Variants in RFC1 observed in about 807,000 individuals in gnomAD.
The protein encoded by RFC1 is replication factor C subunit 1, also known as A1 140 kDa subunit.
RFC1 carries 37 observed loss-of-function variants against 137.4 expected under a neutral mutation model. The observed-to-expected ratio is 0.27, with a 90% confidence interval of 0.21 to 0.35. The LOEUF (loss-of-function observed/expected upper bound fraction) is 0.35. Ranked by LOEUF, RFC1 falls within the 10% of genes least tolerant of loss-of-function variation. The probability of loss-of-function intolerance (pLI) is 1.00; values close to 1 mark genes in which losing one functional copy is unlikely to be tolerated. For missense variants in RFC1, 1,205 were observed against 1,358.5 expected (o/e 0.89, Z 1.78); for synonymous variants, 429 against 455.7 (o/e 0.94, Z 0.75).
intron 7 of RFC1, among the ~76,000 whole-genome samples, chr4:39,322,842 G>C (rs1460619205): frequency 6.6e-6 from 1 of 151,272 alleles, no homozygotes; most frequent in Non-Finnish European, 1.5e-5. Flanking sequence ...CTAGCACTTT[G>C]AGAGGCTGAG....
chr4:39,304,879 T>A lies in RFC1; in HGVS notation c.2045A>T (p.Lys682Met), dbSNP rs138470471. The A allele has an allele frequency of 3.5e-5, 56 of 1,613,624 alleles. No homozygotes were observed. The highest frequency in any genetic ancestry group is 4.5e-5 in the Non-Finnish European group (53 of 1,179,656). The change falls in exon 15 of 25, where the codon AAG becomes ATG. Residue 682 changes from lysine to methionine, a missense_variant. By Grantham distance (95) the Lys-to-Met change is moderately conservative (BLOSUM62 -1). Coordinates refer to ENST00000349703, the MANE Select transcript of RFC1 (RefSeq NM_002913.5). The stretch of plus-strand genomic sequence containing the variant: ...AGCAACAATCGCCTTCAAACTGCTC[T>A]TACTCCGGGTGTCACTTGCATTCAG... ...VELNASDTRS[K>M]SSLKAIVAES... is the part of the protein sequence containing the mutation.
chr4:39,299,595 AC>A (rs1738232936), intron 21 of RFC1, among the ~76,000 whole-genome samples: 1 of 147,394 alleles, frequency 6.8e-6, no homozygotes, highest in South Asian at 2.2e-4. Context: ...CCTGGGCAAC[AC>A]AGCAACACTG....
At chr4:39,298,420 G>A (rs192168189) in intron 21 of RFC1, among the ~76,000 whole-genome samples, 184 of 151,954 alleles carry the variant, frequency 1.2e-3, no homozygotes, top group Admixed American at 5.9e-3. Context: ...TTCTGGAAGC[G>A]TCTTACTTAT....
chr4:39,333,139 G>C (rs572927590), intron 4 of RFC1, among the ~76,000 whole-genome samples: 1 of 152,270 alleles, frequency 6.6e-6, no homozygotes, highest in South Asian at 2.1e-4. Context: ...GTTTCACTGC[G>C]ATCTTCTGTA....
chr4:39,333,584 T>C (rs1740211372), intron 4 of RFC1, among the ~76,000 whole-genome samples: 1 of 151,034 alleles, frequency 6.6e-6, no homozygotes, highest in South Asian at 2.1e-4. Flanking sequence ...AAAAACCTCA[T>C]GAAAATAGCA....
chr4:39,295,797 C>T (rs771539206), intron 21 of RFC1, 38 bp from the exon 22 acceptor site: 9 of 1,585,516 alleles, frequency 5.7e-6, no homozygotes, highest in Non-Finnish European at 7.7e-6. Context: ...ATTTATGTTC[C>T]GTACAAAGTT....
At chr4:39,312,643 C>T in intron 11 of RFC1, 109 bp downstream of exon 11, 1 of 998,866 alleles carries the variant, frequency 1.0e-6, no homozygotes, top group Non-Finnish European at 1.4e-6. Context: ...CAAGAAATTA[C>T]TTTTCTATTT....
chr4:39,340,960 A>C (rs1740578762), intron 4 of RFC1, among the ~76,000 whole-genome samples: 1 of 152,236 alleles, frequency 6.6e-6, no homozygotes, highest in Non-Finnish European at 1.5e-5. Context: ...CCTAACGTTC[A>C]TAAAAAGTCC....
intron 4 of RFC1, among the ~76,000 whole-genome samples, chr4:39,329,792 C>T (rs1740002262): frequency 6.6e-6 from 1 of 151,826 alleles, no homozygotes; most frequent in African/African-American, 2.4e-5. Flanking sequence ...CCCAGCACTC[C>T]GGGAGGCCGA....
chr4:39,351,882 G>C (rs1284002313), intron 1 of RFC1, among the ~76,000 whole-genome samples: 1 of 149,168 alleles, frequency 6.7e-6, no homozygotes, highest in Non-Finnish European at 1.5e-5. Context: ...AGAATTGCTT[G>C]AACCCAGGAG....
chr4:39,345,549 C>T, intron 2 of RFC1, 73 bp from the exon 3 acceptor site: 4 of 1,212,334 alleles, frequency 3.3e-6, no homozygotes, highest in Non-Finnish European at 4.6e-6. Context: ...GAGACGGAGT[C>T]TCACTCTGTC....
At chr4:39,298,231 C>T (rs950120690) in intron 21 of RFC1, among the ~76,000 whole-genome samples, 11 of 145,410 alleles carry the variant, frequency 7.6e-5, no homozygotes, top group African/African-American at 2.7e-4. Flanking sequence ...TCACTTGAGC[C>T]CAGGAGGGCA....
At chr4:39,328,230 TA>T (rs1283158967) in intron 4 of RFC1, among the ~76,000 whole-genome samples, 6 of 152,278 alleles carry the variant, frequency 3.9e-5, no homozygotes, top group African/African-American at 1.2e-4. Flanking sequence ...GCCAGGCCTG[TA>T]ATACGCTATA....
intron 1 of RFC1, among the ~76,000 whole-genome samples, chr4:39,354,909 C>G (rs1741386485): frequency 2.6e-5 from 4 of 151,640 alleles, no homozygotes; most frequent in Admixed American, 2.6e-4. Flanking sequence ...CAGCAAAACC[C>G]CATCTCCACT....
chr4:39,323,492 C>T, intron 6 of RFC1, 75 bp from the exon 7 acceptor site: 2 of 1,231,304 alleles, frequency 1.6e-6, no homozygotes, highest in Non-Finnish European at 2.4e-6. Flanking sequence ...ATGTCTGATT[C>T]ATATATTTAG....
chr4:39,344,251 C>T (rs925377397), intron 3 of RFC1, among the ~76,000 whole-genome samples: 2 of 152,096 alleles, frequency 1.3e-5, no homozygotes, highest in African/African-American at 4.8e-5. Flanking sequence ...TCATAAAAGG[C>T]ATGCAAAAAA....
intron 1 of RFC1, among the ~76,000 whole-genome samples, chr4:39,361,715 CTG>C (rs1307988879): frequency 1.3e-5 from 2 of 152,258 alleles, no homozygotes; most frequent in East Asian, 1.9e-4. Flanking sequence ...AATTGTATTT[CTG>C]TATACTTTTG....
chr4:39,334,576 T>A (rs1740262779), intron 4 of RFC1, among the ~76,000 whole-genome samples: 3 of 152,226 alleles, frequency 2.0e-5, no homozygotes, highest in Non-Finnish European at 2.9e-5. Flanking sequence ...TTTTAACATT[T>A]GTTCTTGTTT....
chr4:39,309,962 T>C (rs1187870356), intron 12 of RFC1, among the ~76,000 whole-genome samples: 1 of 152,154 alleles, frequency 6.6e-6, no homozygotes, highest in Non-Finnish European at 1.5e-5. Context: ...AAGGAAAAAA[T>C]AGTCACTTTA....
Sources: gnomAD v4.1 joint callset for allele counts (sites outside exome capture counted in the v4.1 genomes callset) on GRCh38, gnomAD v4.1.1 for gene constraint, MANE v1.5 for transcripts, NCBI Gene and HGNC (gene_info 2026-07-23, HGNC 2026-07-21) for gene names.